The following TAF15 variants were observed in gnomAD, a reference collection of about 807,000 sequenced individuals.
The protein encoded by TAF15 is TATA-binding protein-associated factor 2N.
TAF15 carries 37 observed loss-of-function variants against 102.5 expected under a neutral mutation model. That is an observed-to-expected ratio of 0.36 (90% CI 0.28 to 0.47). The LOEUF (loss-of-function observed/expected upper bound fraction) is 0.47. Ranked by LOEUF, TAF15 falls within the 20% of genes least tolerant of loss-of-function variation. TAF15 has a pLI of 0.99. For missense variants in TAF15, 652 were observed against 760.7 expected, an observed-to-expected ratio of 0.86 and a Z score of 1.68; for synonymous variants, 273 against 259.2, an observed-to-expected ratio of 1.05 and a Z score of -0.51.
At chr17:35,826,746 T>TTA in intron 7 of TAF15, among the ~76,000 whole-genome samples, 1 of 143,656 alleles carries the variant, frequency 7.0e-6, no homozygotes, top group South Asian at 2.2e-4. Context: ...TTTTTTTTTT[T>TTA]AAGTAGTGAT....
chr17:35,842,230 G>C (rs971901746), intron 11 of TAF15, 137 bp from the exon 12 acceptor site: 1 of 696,210 alleles, frequency 1.4e-6, no homozygotes, highest in South Asian at 1.6e-5. Flanking sequence ...CTGTTATCTT[G>C]ACTCTTTGCA....
chr17:35,824,144 G>T lies in TAF15; in HGVS notation c.551G>T (p.Gly184Val). 1 of 1,614,068 alleles carries T rather than the reference G, an allele frequency of 6.2e-7. No individual in the cohort carries two copies. The highest frequency in any genetic ancestry group is 8.5e-7 in the Non-Finnish European group (1 of 1,180,042). Reference sequence around the variant, plus strand: ...GGATATGGCGGGTCACAGGGAGGAGGTAGAGGGCGTGGGGGATATGACAAG... The same window carrying T: ...GGATATGGCGGGTCACAGGGAGGAGTTAGAGGGCGTGGGGGATATGACAAG... Reference protein sequence around the residue: ...NRGYGGSQGGGRGRGGYDKDG... With the variant: ...NRGYGGSQGGVRGRGGYDKDG... Residue 184 changes from glycine to valine, a missense_variant, in exon 7 of 16, where the codon GGT (glycine) becomes GTT (valine). By Grantham distance (109) the Gly-to-Val change is moderately radical. Coordinates refer to ENST00000605844, the MANE Select transcript of TAF15 (RefSeq NM_139215.3).
intron 1 of TAF15, among the ~76,000 whole-genome samples, chr17:35,812,790 T>G: frequency 6.6e-6 from 1 of 152,042 alleles, no homozygotes; most frequent in Non-Finnish European, 1.5e-5. Context: ...AATATTTTTA[T>G]GTTTAAAATT....
At chr17:35,837,562 T>C (rs1051702579) in intron 10 of TAF15, among the ~76,000 whole-genome samples, 1 of 148,996 alleles carries the variant, frequency 6.7e-6, no homozygotes, top group African/African-American at 2.5e-5. Flanking sequence ...GCGTGGTGGC[T>C]CACACCTGTA....
chr17:35,842,222 G>GT (rs2087556909), intron 11 of TAF15, 145 bp from the exon 12 acceptor site: 1 of 682,062 alleles, frequency 1.5e-6, no homozygotes, highest in Admixed American at 2.1e-5. Context: ...TTTTAGCACT[G>GT]TTATCTTGAC....
intron 6 of TAF15, 83 bp downstream of exon 6, chr17:35,822,916 A>T: frequency 6.5e-7 from 1 of 1,535,066 alleles, no homozygotes; most frequent in South Asian, 1.1e-5. Flanking sequence ...ACCACAGAGG[A>T]TTTCACCTGT....
At chr17:35,839,971 G>C (rs1052449076) in intron 11 of TAF15, among the ~76,000 whole-genome samples, 1 of 152,080 alleles carries the variant, frequency 6.6e-6, no homozygotes, top group East Asian at 1.9e-4. Context: ...AACTTTAAGA[G>C]CCTTACACGC....
intron 12 of TAF15, among the ~76,000 whole-genome samples, 165 bp downstream of exon 12, chr17:35,842,624 A>G (rs948307948): frequency 6.6e-6 from 1 of 152,160 alleles, no homozygotes; most frequent in Non-Finnish European, 1.5e-5. Flanking sequence ...GGTAAATGAG[A>G]TATCGTAATA....
intron 1 of TAF15, among the ~76,000 whole-genome samples, chr17:35,813,813 C>T (rs1366073327): frequency 6.6e-6 from 1 of 151,850 alleles, no homozygotes; most frequent in African/African-American, 2.4e-5. Flanking sequence ...TACCTAGATA[C>T]ATTGATGTAA....
rs1193983202 is a variant in TAF15 at position 35,831,368 on chromosome 17, C to G, written c.606-2539C>G. ...CTTGCAGTGAGCCGAGATCGCGCCA[C>G]TGCACTCCAGCCTGGGCGACAGAGC... On this transcript the variant is annotated intron_variant, in intron 7 of 15. Coordinates refer to ENST00000605844, the MANE Select transcript of TAF15 (RefSeq NM_139215.3). Among the ~76,000 whole-genome samples, 4 of 149,922 alleles carry G rather than the reference C, an allele frequency of 2.7e-5. No individual in the cohort carries two copies. The East Asian group carries it at 7.9e-4, about 30-fold the overall frequency.
chr17:35,817,317 G>GCC, intron 1 of TAF15: 2 of 211,972 alleles, frequency 9.4e-6, no homozygotes, highest in Non-Finnish European at 1.9e-5. Flanking sequence ...ATCTTGGGGT[G>GCC]GTAAGGATGT....
intron 7 of TAF15, among the ~76,000 whole-genome samples, chr17:35,826,118 C>G (rs2143776951): frequency 6.6e-6 from 1 of 152,282 alleles, no homozygotes; most frequent in East Asian, 1.9e-4. Context: ...CAACATACTT[C>G]ATATAATTTG....
At position 35,844,707 on chromosome 17, in the gene TAF15, G is replaced by A. The variant is rs181978759; in HGVS notation, c.1408G>A (p.Gly470Ser). Reference sequence around the variant, plus strand: ...CGGCTATGGTGGGGACAGAGGAGGCGGCTATGGAGGAGACCGAGGAGGTGG... The same window carrying A: ...CGGCTATGGTGGGGACAGAGGAGGCAGCTATGGAGGAGACCGAGGAGGTGG... ...GGGYGGDRGG[G>S]YGGDRGGGYG... Residue 470 changes from glycine to serine, a missense_variant, in exon 15 of 16, where the codon GGC (glycine) becomes AGC (serine). Physicochemically the swap from Gly to Ser is moderately conservative, Grantham distance 56. Around this residue, in one of 3 missense-constraint regions of TAF15, gnomAD observed 368 missense variants for 367.5 expected, o/e 1.00. Coordinates refer to ENST00000605844, the MANE Select transcript of TAF15 (RefSeq NM_139215.3). 79 of 1,597,942 alleles carry A rather than the reference G, an allele frequency of 4.9e-5. No individual in the cohort carries two copies. The East Asian group carries it at 1.5e-3, about 31-fold the overall frequency.
intron 1 of TAF15, chr17:35,810,850 G>GC (rs1352430280): frequency 6.6e-6 from 1 of 152,202 alleles, no homozygotes; most frequent in Non-Finnish European, 1.5e-5. Flanking sequence ...TATTTAAGGA[G>GC]CCAGGATATT....
chr17:35,809,593 G>A lies in TAF15; in HGVS notation c.7+17G>A. ...TCATGTCGGGTAGGTGACTTCTTCAGCGAGCAGCGGCAGCGACGAGAAGGT... is the reference window on the plus strand; with the variant it reads ...TCATGTCGGGTAGGTGACTTCTTCAACGAGCAGCGGCAGCGACGAGAAGGT... On this transcript the variant is annotated intron_variant, in intron 1 of 15. Coordinates refer to ENST00000605844, the MANE Select transcript of TAF15 (RefSeq NM_139215.3). The A allele has an allele frequency of 6.2e-7, 1 of 1,613,272 alleles. No individual in the cohort carries two copies. Among genetic ancestry groups the A allele is most frequent in the Non-Finnish European group, 8.5e-7 (1 of 1,179,842 alleles).
intron 9 of TAF15, among the ~76,000 whole-genome samples, chr17:35,835,923 T>G (rs1040645556): frequency 6.6e-6 from 1 of 152,250 alleles, no homozygotes; most frequent in Non-Finnish European, 1.5e-5. Flanking sequence ...CTTGATCCAC[T>G]TTACTTGAAA....
At chr17:35,836,036 A>T (rs894998073) in intron 9 of TAF15, 96 bp from the exon 10 acceptor site, 2 of 859,778 alleles carry the variant, frequency 2.3e-6, no homozygotes, top group Admixed American at 4.1e-5. Context: ...CATAGAAACA[A>T]TTGAATATTG....
In TAF15 at chr17:35,838,537, C is replaced by A. The variant is rs780270281; in HGVS notation, c.897C>A (p.Ala299=). 6.2e-7 allele frequency: 1 copy of A among 1,614,172 alleles called. No individual in the cohort carries two copies. The highest frequency in any genetic ancestry group is 2.2e-5 in the East Asian group (1 of 44,878). Residue 299 remains alanine (A), a synonymous_variant, in exon 11 of 16, where the codon GCC becomes GCA. Coordinates refer to ENST00000605844, the MANE Select transcript of TAF15 (RefSeq NM_139215.3). ...ATGACCCTCCTTCAGCTAAGGCAGC[C>A]ATTGACTGGTTTGATGGTATGCCTC... ...SFDDPPSAKA[A]IDWFDGKEFH... is the part of the protein sequence containing the mutation.
At chr17:35,810,690 C>A (rs917531918) in intron 1 of TAF15, 1 of 152,196 alleles carries the variant, frequency 6.6e-6, no homozygotes, top group African/African-American at 2.4e-5. Context: ...CCAAACCTGC[C>A]TAGTGTTATA....
Sources: gnomAD v4.1 joint callset for allele counts (sites outside exome capture counted in the v4.1 genomes callset) on GRCh38, gnomAD v4.1.1 for gene constraint, gnomAD v4.1.1 regional missense constraint, MANE v1.5 for transcripts, NCBI Gene and HGNC (gene_info 2026-07-23, HGNC 2026-07-21) for gene names.